PDGFRL: variants seen among roughly 807,000 people sequenced by gnomAD.
PDGFRL encodes platelet-derived growth factor receptor-like protein.
PDGFRL carries 46 observed loss-of-function variants against 37.2 expected under a neutral mutation model. The observed-to-expected ratio is 1.24, with a 90% CI of 0.98 to 1.58. The LOEUF (loss-of-function observed/expected upper bound fraction) is 1.58. PDGFRL is among the 40% of genes most tolerant of loss of function. PDGFRL has a pLI of 0.00. For missense variants in PDGFRL, 692 were observed against 467.6 expected (o/e 1.48, Z -4.43); for synonymous variants, 251 against 184.3 (o/e 1.36, Z -2.93).
intron 2 of PDGFRL, among the ~76,000 whole-genome samples, chr8:17,591,977 A>G (rs191096144): frequency 9.9e-5 from 15 of 152,124 alleles, no homozygotes; most frequent in South Asian, 2.1e-4. Flanking sequence ...CATGTTCACA[A>G]CGATTTATAT....
intron 4 of PDGFRL, among the ~76,000 whole-genome samples, chr8:17,632,661 T>A (rs1804887135): frequency 6.6e-6 from 1 of 152,140 alleles, no homozygotes; most frequent in African/African-American, 2.4e-5. Flanking sequence ...AACCAATCAG[T>A]AGGTTCCCAC....
chr8:17,587,932 C>A (rs1272972717), intron 1 of PDGFRL, among the ~76,000 whole-genome samples: 1 of 150,496 alleles, frequency 6.6e-6, no homozygotes, highest in East Asian at 1.9e-4. Flanking sequence ...ACCTGGCCTA[C>A]AGTCCCCTAT....
At chr8:17,599,614 G>C (rs925716911) in intron 2 of PDGFRL, among the ~76,000 whole-genome samples, 1 of 152,188 alleles carries the variant, frequency 6.6e-6, no homozygotes, top group Admixed American at 6.5e-5. Flanking sequence ...AGCTCGCCAC[G>C]TGGCCGTGGC....
At chr8:17,601,344 G>A (rs1157698624) in intron 2 of PDGFRL, among the ~76,000 whole-genome samples, 1 of 152,088 alleles carries the variant, frequency 6.6e-6, no homozygotes, top group Non-Finnish European at 1.5e-5. Flanking sequence ...AGCCTGCAGG[G>A]GATCTAAAGT....
In PDGFRL at chr8:17,628,677, G is replaced by C. The variant is rs1804788255; in HGVS notation, c.696G>C (p.Val232=). Residue 232 remains valine (V), a synonymous_variant, in exon 4 of 6, where the codon GTG becomes GTC. Transcript: ENST00000251630. ...DIVYDMKRGF[V]YLQPHSEHQG... ...TTTATGACATGAAGCGGGGCTTTGT[G>C]TATCTGCAACCTCATTCCGAGCACC... is the stretch of plus-strand genomic sequence containing the variant. 1.2e-6 allele frequency: 2 copies of C among 1,614,128 alleles called. No homozygotes were observed. The highest frequency in any genetic ancestry group is 1.7e-6 in the Non-Finnish European group (2 of 1,179,948).
intron 1 of PDGFRL, among the ~76,000 whole-genome samples, chr8:17,582,455 A>C (rs1051831936): frequency 6.6e-6 from 1 of 151,752 alleles, no homozygotes; most frequent in African/African-American, 2.4e-5. Flanking sequence ...CGTGGTGCGC[A>C]CCTGTAGTCC....
intron 3 of PDGFRL, among the ~76,000 whole-genome samples, chr8:17,623,314 C>A (rs1804667692): frequency 6.6e-6 from 1 of 152,176 alleles, no homozygotes; most frequent in Admixed American, 6.5e-5. Context: ...AATAATTGTT[C>A]ATAGGCAATC....
Position 17,642,678 on chromosome 8 carries a change from G to C in PDGFRL, c.1005G>C (p.Thr335=), listed in dbSNP as rs759578477. 6.2e-7 allele frequency: 1 copy of C among 1,605,586 alleles called. No individual in the cohort carries two copies. The highest frequency in any genetic ancestry group is 8.5e-7 in the Non-Finnish European group (1 of 1,172,138). ...TCCACAGAGGACTGGGACACACCAC[G>C]AGAATCTCCCAGAGTGTCATTACAG... ...RLIHRGLGHT[T]RISQSVITVE... The change falls in exon 6 of 6, where the codon ACG becomes ACC. Residue 335 remains threonine, a synonymous_variant. Transcript: ENST00000251630.
At chr8:17,607,986 G>T (rs933992401) in intron 2 of PDGFRL, among the ~76,000 whole-genome samples, 1 of 152,200 alleles carries the variant, frequency 6.6e-6, no homozygotes, top group African/African-American at 2.4e-5. Flanking sequence ...CCACACAGCC[G>T]GCTGCAGGTG....
At chr8:17,631,124 C>T (rs768388560) in intron 4 of PDGFRL, among the ~76,000 whole-genome samples, 3 of 152,140 alleles carry the variant, frequency 2.0e-5, no homozygotes, top group Non-Finnish European at 2.9e-5. Context: ...GGAGCAGTTG[C>T]GTTGCAGAAC....
chr8:17,591,936 A>G (rs574191791), intron 2 of PDGFRL, among the ~76,000 whole-genome samples: 1 of 152,280 alleles, frequency 6.6e-6, no homozygotes, highest in Admixed American at 6.5e-5. Context: ...AAAGAAAGAA[A>G]GGCTGCAGAG....
At position 17,589,643 on chromosome 8, in the gene PDGFRL, C is replaced by T; in HGVS notation, c.231C>T (p.Phe77=). The change falls in exon 2 of 6, where the codon TTC becomes TTT. Residue 77 remains phenylalanine (F), a synonymous_variant. Transcript: ENST00000251630. Reference sequence around the variant, plus strand: ...TGCAAGTGCTGGATAAAGGTCGCTTCCAGAAACCCGCCGCTACCCTGAGTC... The same window carrying T: ...TGCAAGTGCTGGATAAAGGTCGCTTTCAGAAACCCGCCGCTACCCTGAGTC... The part of the protein sequence containing the change: ...IMMQVLDKGR[F]QKPAATLSLL... 6.2e-7 allele frequency: 1 copy of T among 1,613,874 alleles called. No individual in the cohort carries two copies. The highest frequency in any genetic ancestry group is 8.5e-7 in the Non-Finnish European group (1 of 1,179,858).
At chr8:17,598,682 A>G (rs1354454359) in intron 2 of PDGFRL, among the ~76,000 whole-genome samples, 1 of 152,184 alleles carries the variant, frequency 6.6e-6, no homozygotes, top group Non-Finnish European at 1.5e-5. Context: ...AGAGCCTGAT[A>G]TGGTTTGGCT....
chr8:17,596,813 T>A (rs1160814060), intron 2 of PDGFRL, among the ~76,000 whole-genome samples: 13 of 152,218 alleles, frequency 8.5e-5, no homozygotes, highest in Non-Finnish European at 1.3e-4. Flanking sequence ...GATGTGCTAT[T>A]TGCCCTCAAG....
intron 2 of PDGFRL, among the ~76,000 whole-genome samples, chr8:17,611,461 T>G (rs890335591): frequency 5.3e-5 from 8 of 152,140 alleles, no homozygotes; most frequent in South Asian, 2.1e-4. Flanking sequence ...AACCGCCCTT[T>G]TACAAAGGCC....
intron 4 of PDGFRL, among the ~76,000 whole-genome samples, chr8:17,633,747 T>G: frequency 6.6e-6 from 1 of 152,172 alleles, no homozygotes; most frequent in Non-Finnish European, 1.5e-5. Flanking sequence ...TCCTCCCTGC[T>G]TCTTCCCTAG....
rs538781157 is a variant in PDGFRL at position 17,610,067 on chromosome 8, G to A, written c.354-10984G>A. The stretch of plus-strand genomic sequence containing the variant: ...CTGTTGCATTCACTATTCTGACTTG[G>A]CCATAATACACTCACTGTGCCTGCA... On this transcript the variant is annotated intron_variant, in intron 2 of 5. Transcript: ENST00000251630. Among the ~76,000 whole-genome samples the A allele has an allele frequency of 7.9e-4, 121 of 152,258 alleles. 3 individuals carry two copies. In the South Asian group the frequency reaches 0.024, roughly 30 times the overall value.
intron 1 of PDGFRL, among the ~76,000 whole-genome samples, chr8:17,586,409 T>G (rs1434542625): frequency 6.6e-6 from 1 of 152,144 alleles, no homozygotes; most frequent in Non-Finnish European, 1.5e-5. Context: ...AAGAATCTCA[T>G]GGTGCATGAG....
chr8:17,610,128 A>G (rs1228894754), intron 2 of PDGFRL, among the ~76,000 whole-genome samples: 4 of 152,180 alleles, frequency 2.6e-5, no homozygotes, highest in African/African-American at 4.8e-5. Flanking sequence ...TTGTTCTCCT[A>G]GCAAGGGTGG....
Sources: gnomAD v4.1 joint callset for allele counts (sites outside exome capture counted in the v4.1 genomes callset) on GRCh38, gnomAD v4.1.1 for gene constraint, MANE v1.5 for transcripts, NCBI Gene and HGNC (gene_info 2026-07-23, HGNC 2026-07-21) for gene names.